EIPR1: variants seen among roughly 807,000 people sequenced by gnomAD.
EIPR1 encodes the protein EARP complex and GARP complex interacting protein 1.
In EIPR1, 25 loss-of-function variants were observed where a neutral mutation model predicts 48.1. The ratio of observed to expected loss-of-function variants is 0.52; its 90% CI spans 0.38 to 0.73. The LOEUF (loss-of-function observed/expected upper bound fraction) is 0.73. Ranked by LOEUF, EIPR1 falls within the 30% of genes least tolerant of loss-of-function variation. The pLI is 0.00. For missense variants in EIPR1, 415 were observed against 506.2 expected (o/e 0.82, Z 1.73); for synonymous variants, 204 against 201.9 (o/e 1.01, Z -0.09).
At chr2:3,338,640 G>T (rs1017859809) in intron 2 of EIPR1, among the ~76,000 whole-genome samples, 2 of 152,178 alleles carry the variant, frequency 1.3e-5, no homozygotes, top group Non-Finnish European at 2.9e-5. Flanking sequence ...TCATACTTCA[G>T]ACATGATTAA....
In EIPR1 at chr2:3,246,787, C is replaced by T. The variant is rs71444234; in HGVS notation, c.416+10512G>A. The stretch of plus-strand genomic sequence containing the variant: ...AGGAAGGGAGGGAGAAAGGGAGAAA[C>T]GGAGGGAGGGAGGGAGGCAGGGAGG... On this transcript the variant is annotated intron_variant, in intron 4 of 8. Transcript: ENST00000382125. 9.7e-5 allele frequency among the ~76,000 whole-genome samples: 5 copies of T among 51,392 alleles called. No individual in the cohort carries two copies. The East Asian group carries it at 3.1e-3, about 32-fold the overall frequency. The allele number at this position is 51,392 out of a possible 152,430, so 33.7% of individuals were successfully genotyped here. A position where few individuals can be genotyped will look rare whatever the true frequency, so the allele number is the denominator to read the frequency against.
At chr2:3,330,019 C>A (rs565364408) in intron 3 of EIPR1, among the ~76,000 whole-genome samples, 1 of 152,240 alleles carries the variant, frequency 6.6e-6, no homozygotes, top group African/African-American at 2.4e-5. Flanking sequence ...GATGACAGTT[C>A]CATGACCATT....
At chr2:3,372,735 T>G (rs1016399619) in intron 1 of EIPR1, among the ~76,000 whole-genome samples, 4 of 152,166 alleles carry the variant, frequency 2.6e-5, no homozygotes, top group African/African-American at 9.7e-5. Context: ...GTGGCAATAA[T>G]CAATAGCTTA....
intron 3 of EIPR1, among the ~76,000 whole-genome samples, chr2:3,297,951 G>A (rs1243914404): frequency 1.3e-5 from 2 of 152,120 alleles, no homozygotes; most frequent in Non-Finnish European, 2.9e-5. Flanking sequence ...GGAGATTTAG[G>A]AGAAACCCTT....
intron 4 of EIPR1, among the ~76,000 whole-genome samples, chr2:3,238,764 C>G (rs574731233): frequency 1.5e-4 from 23 of 152,334 alleles, no homozygotes; most frequent in African/African-American, 4.8e-4. Flanking sequence ...AAGGAGCTTG[C>G]TTTCCATGCT....
chr2:3,302,623 C>T (rs988949335), intron 3 of EIPR1, among the ~76,000 whole-genome samples: 26 of 152,374 alleles, frequency 1.7e-4, no homozygotes, highest in Middle Eastern at 3.4e-3. Context: ...CGTGACGTCG[C>T]GGAACCAGAG....
intron 3 of EIPR1, among the ~76,000 whole-genome samples, chr2:3,290,758 C>T (rs1668340002): frequency 6.6e-6 from 1 of 152,214 alleles, no homozygotes; most frequent in Non-Finnish European, 1.5e-5. Flanking sequence ...CTTGCTGTGA[C>T]AGGAGAGGCC....
chr2:3,217,090 G>A (rs1274987961), intron 4 of EIPR1, among the ~76,000 whole-genome samples: 1 of 152,232 alleles, frequency 6.6e-6, no homozygotes, highest in East Asian at 1.9e-4. Flanking sequence ...TGTGGATGAG[G>A]AGAGAAAAGG....
intron 3 of EIPR1, among the ~76,000 whole-genome samples, chr2:3,269,904 AGGAGCACCATCCCTCAGCTTG>A (rs1422303913): frequency 1.3e-5 from 2 of 152,234 alleles, no homozygotes; most frequent in Non-Finnish European, 2.9e-5. Flanking sequence ...GCGAATGAAG[AGGAGCACCATCCCTCAGCTTG>A]GGAGCACCAG....
At chr2:3,257,250 G>A (rs1282205496) in intron 4 of EIPR1, 49 bp downstream of exon 4, 7 of 1,575,110 alleles carry the variant, frequency 4.4e-6, no homozygotes, top group Admixed American at 3.5e-5. Flanking sequence ...TCCTGCACCT[G>A]GCCAACCTGC....
rs1572424359 is a variant in EIPR1, at chr2:3,309,424, AAACAG to A, written c.259+28588_259+28592del. Among the ~76,000 whole-genome samples the A allele has an allele frequency of 2.0e-5, 3 of 152,362 alleles. No individual in the cohort carries two copies. The East Asian group carries it at 5.8e-4, about 29-fold the overall frequency. ...CACATAACTCAGGAAGGTGAAAGAG[AAACAG>A]AACGATGAGAAACAAAGAGAACAGA... On this transcript the variant is annotated intron_variant, in intron 3 of 8. Coordinates refer to ENST00000382125, the MANE Select transcript of EIPR1 (RefSeq NM_003310.5).
At chr2:3,357,053 T>C (rs1246664001) in intron 1 of EIPR1, among the ~76,000 whole-genome samples, 2 of 146,548 alleles carry the variant, frequency 1.4e-5, no homozygotes, top group East Asian at 4.2e-4. Context: ...CTCTGATTGG[T>C]TGCTTTCTAC....
rs148305782 is a variant in EIPR1 at position 3,257,424 on chromosome 2, G to A, written c.291C>T (p.Ala97=). Residue 97 remains alanine, a synonymous_variant, in exon 4 of 9, where the codon GCC becomes GCT. Transcript: ENST00000382125. ...CCAATTCCTTCGGCATCCTCCACAC[G>A]GCTGCACATGTCAGGACTTTGCTGT... ...TSDSKVLTCA[A]VWRMPKELES... 269 of 1,614,064 alleles carry A rather than the reference G, an allele frequency of 1.7e-4. No homozygotes were observed. Among genetic ancestry groups the A allele is most frequent in the Middle Eastern group, 3.3e-4 (2 of 6,084 alleles).
intron 7 of EIPR1, 96 bp from the exon 8 acceptor site, chr2:3,192,677 C>T (rs1281297695): frequency 8.3e-6 from 11 of 1,322,046 alleles, no homozygotes; most frequent in Non-Finnish European, 1.2e-5. Flanking sequence ...TAGGCTGGGG[C>T]TCACGTTAGG....
chr2:3,253,480 C>T (rs1041455342), intron 4 of EIPR1, among the ~76,000 whole-genome samples: 2 of 152,300 alleles, frequency 1.3e-5, no homozygotes, highest in Non-Finnish European at 1.5e-5. Context: ...AGAGGCCCTG[C>T]CACACAACCA....
Position 3,194,064 on chromosome 2 carries a change from C to T in EIPR1, c.756G>A (p.Lys252=). Residue 252 remains lysine (K), a synonymous_variant, in exon 7 of 9, where the codon AAG becomes AAA. Transcript: ENST00000382125. ...YYLASCGDDC[K]VKFWDTRNVT... is the part of the protein sequence containing the mutation. ...CATTTCGGGTGTCCCAGAACTTCACCTTACAGTCGTCTCCGCAGCTGGCCA... is the reference window on the plus strand; with the variant it reads ...CATTTCGGGTGTCCCAGAACTTCACTTTACAGTCGTCTCCGCAGCTGGCCA... 6.2e-7 allele frequency: 1 copy of T among 1,613,922 alleles called. No individual in the cohort carries two copies. Among genetic ancestry groups the T allele is most frequent in the Non-Finnish European group, 8.5e-7 (1 of 1,180,014 alleles).
At chr2:3,225,151 T>C (rs1666018959) in intron 4 of EIPR1, among the ~76,000 whole-genome samples, 1 of 152,150 alleles carries the variant, frequency 6.6e-6, no homozygotes, top group Admixed American at 6.5e-5. Flanking sequence ...CTGTTGGCTT[T>C]TTCCCCCCCA....
chr2:3,239,528 G>A (rs2694102), intron 4 of EIPR1, among the ~76,000 whole-genome samples: 139,280 of 152,278 alleles, frequency 0.91, 64,181 homozygotes, highest in East Asian at 0.98. Context: ...GCCATCGTGC[G>A]TCTGCTCTGC....
chr2:3,304,973 ACTCCCG>A (rs1558286409), intron 3 of EIPR1, among the ~76,000 whole-genome samples: 1 of 118,744 alleles, frequency 8.4e-6, no homozygotes, highest in East Asian at 2.5e-4. Flanking sequence ...TCAACTCTCC[ACTCCCG>A]TCCAGTTCAA....
Sources: allele counts gnomAD v4.1 joint callset (sites outside exome capture counted in the v4.1 genomes callset), GRCh38; gene constraint gnomAD v4.1.1; transcripts MANE v1.5; gene names NCBI Gene and HGNC (gene_info 2026-07-23, HGNC 2026-07-21).